TPST1: variants seen among roughly 807,000 people sequenced by gnomAD.
TPST1 encodes the protein tyrosylprotein sulfotransferase 1, also known as protein-tyrosine sulfotransferase 1.
A neutral mutation model predicts 34.8 loss-of-function variants in TPST1; 20 were observed. The ratio of observed to expected loss-of-function variants is 0.57; its 90% CI spans 0.40 to 0.84. The LOEUF (loss-of-function observed/expected upper bound fraction) is 0.84. Among genes scored for constraint, TPST1 ranks in the 40% least tolerant of loss-of-function variants. TPST1 has a pLI of 0.00. For synonymous variants in TPST1, 152 were observed against 159.4 expected (o/e 0.95, Z 0.35); for missense variants, 353 against 455.5 (o/e 0.78, Z 2.05).
intron 1 of TPST1, among the ~76,000 whole-genome samples, chr7:66,231,671 A>G (rs1048242579): frequency 3.3e-5 from 5 of 152,334 alleles, no homozygotes; most frequent in Non-Finnish European, 5.9e-5. Flanking sequence ...CCGGAACTCC[A>G]GCTAGCCCGC....
At chr7:66,277,796 A>T (rs1790848086) in intron 2 of TPST1, among the ~76,000 whole-genome samples, 1 of 152,116 alleles carries the variant, frequency 6.6e-6, no homozygotes, top group African/African-American at 2.4e-5. Flanking sequence ...GTCTGGTGAT[A>T]GACTGAGAAT....
At chr7:66,217,730 G>A (rs929540054) in intron 1 of TPST1, among the ~76,000 whole-genome samples, 4 of 151,186 alleles carry the variant, frequency 2.6e-5, no homozygotes, top group Admixed American at 6.6e-5. Flanking sequence ...GACTACAGGC[G>A]TGTGCCACCA....
intron 1 of TPST1, among the ~76,000 whole-genome samples, chr7:66,218,835 A>G (rs371944832): frequency 2.2e-3 from 334 of 151,402 alleles, no homozygotes; most frequent in African/African-American, 7.4e-3. Flanking sequence ...TGACAGAGCA[A>G]GACTCCATCT....
At chr7:66,322,583 A>G (rs1237175277) in intron 3 of TPST1, among the ~76,000 whole-genome samples, 2 of 152,188 alleles carry the variant, frequency 1.3e-5, no homozygotes, top group African/African-American at 2.4e-5. Flanking sequence ...TTAAGGCTGC[A>G]TAGTATTTCA....
At chr7:66,199,573 C>CGTGA in the TPST1 span, among the ~76,000 whole-genome samples, 213 of 152,106 alleles carry the variant, frequency 1.4e-3, no homozygotes, top group African/African-American at 4.4e-3. Context: ...GGATTACAGT[C>CGTGA]GTGAGCCACT....
chr7:66,350,822 T>A (rs1229475619), intron 3 of TPST1, among the ~76,000 whole-genome samples: 2 of 152,226 alleles, frequency 1.3e-5, no homozygotes, highest in Non-Finnish European at 2.9e-5. Context: ...ACATTACTTG[T>A]TCCCAAGTTT....
At chr7:66,314,300 A>G (rs1791590900) in intron 3 of TPST1, among the ~76,000 whole-genome samples, 1 of 152,196 alleles carries the variant, frequency 6.6e-6, no homozygotes, top group Non-Finnish European at 1.5e-5. Flanking sequence ...TTTGGGAGGC[A>G]GAGGCAGGAG....
At chr7:66,339,547 G>A (rs1237744382) in intron 3 of TPST1, among the ~76,000 whole-genome samples, 1 of 152,014 alleles carries the variant, frequency 6.6e-6, no homozygotes, top group African/African-American at 2.4e-5. Context: ...CAGACAGGAT[G>A]CAACAAGAAA....
intron 3 of TPST1, among the ~76,000 whole-genome samples, chr7:66,297,948 A>G (rs533165734): frequency 7.0e-4 from 106 of 152,324 alleles, no homozygotes; most frequent in African/African-American, 1.8e-3. Flanking sequence ...TTACTACAGG[A>G]TAGAGTCTAG....
intron 3 of TPST1, among the ~76,000 whole-genome samples, chr7:66,338,068 C>T (rs141191055): frequency 1.3e-5 from 2 of 152,208 alleles, no homozygotes; most frequent in East Asian, 3.9e-4. Context: ...AAACAAGACC[C>T]ATCCATATGC....
intron 3 of TPST1, among the ~76,000 whole-genome samples, chr7:66,345,161 C>CA (rs1359685661): frequency 1.3e-5 from 2 of 151,788 alleles, no homozygotes; most frequent in African/African-American, 4.8e-5. Context: ...AGACAGATGC[C>CA]AAACCACAAA....
chr7:66,315,181 G>C (rs1046370218), intron 3 of TPST1, among the ~76,000 whole-genome samples: 1 of 152,180 alleles, frequency 6.6e-6, no homozygotes, highest in Non-Finnish European at 1.5e-5. Flanking sequence ...GACTTAACAC[G>C]GTGTGGCCAC....
chr7:66,220,856 G>T (rs113641455), intron 1 of TPST1, among the ~76,000 whole-genome samples: 231 of 152,306 alleles, frequency 1.5e-3, no homozygotes, highest in Non-Finnish European at 2.7e-3. Context: ...TTCCTGGCTG[G>T]GAGCGGTGGC....
chr7:66,227,649 G>A (rs1275642836), intron 1 of TPST1, among the ~76,000 whole-genome samples: 1 of 152,066 alleles, frequency 6.6e-6, no homozygotes, highest in African/African-American at 2.4e-5. Context: ...CAGTAATCCT[G>A]GTGCAAGATG....
At chr7:66,216,319 C>T (rs892189280) in intron 1 of TPST1, among the ~76,000 whole-genome samples, 17 of 151,976 alleles carry the variant, frequency 1.1e-4, no homozygotes, top group Admixed American at 2.0e-4. Context: ...TGTTATTGGT[C>T]GGTCTAGCTA....
At chr7:66,221,093 A>G (rs946509046) in intron 1 of TPST1, among the ~76,000 whole-genome samples, 7 of 151,874 alleles carry the variant, frequency 4.6e-5, no homozygotes, top group African/African-American at 1.5e-4. Context: ...AGATTGTGCC[A>G]CTGCACTCCA....
chr7:66,248,335 G>A (rs1790193151), intron 2 of TPST1, among the ~76,000 whole-genome samples: 1 of 151,908 alleles, frequency 6.6e-6, no homozygotes, highest in Non-Finnish European at 1.5e-5. Context: ...CCTCCTTTAG[G>A]CAGCATTTAA....
At chr7:66,295,731 C>T (rs1791179117) in intron 3 of TPST1, among the ~76,000 whole-genome samples, 1 of 152,118 alleles carries the variant, frequency 6.6e-6, no homozygotes, top group South Asian at 2.1e-4. Flanking sequence ...ACCTGTGTCT[C>T]CTGGGTTCAA....
At chr7:66,252,180 C>T (rs888623463) in intron 2 of TPST1, among the ~76,000 whole-genome samples, 1 of 151,250 alleles carries the variant, frequency 6.6e-6, no homozygotes, top group African/African-American at 2.4e-5. Flanking sequence ...GCCTCAGCCT[C>T]CCAAGTAGCT....
Sources: gnomAD v4.1 joint callset for allele counts (sites outside exome capture counted in the v4.1 genomes callset) on GRCh38, gnomAD v4.1.1 for gene constraint, MANE v1.5 for transcripts, NCBI Gene and HGNC (gene_info 2026-07-23, HGNC 2026-07-21) for gene names.